Variants in ARID1B observed in about 807,000 individuals in gnomAD.
ARID1B encodes AT-rich interactive domain-containing protein 1B.
A neutral mutation model predicts 212.3 loss-of-function variants in ARID1B; 30 were observed. That is an observed-to-expected ratio of 0.14 (90% CI 0.11 to 0.19). The LOEUF (loss-of-function observed/expected upper bound fraction) is 0.19, where lower values mean the gene tolerates loss of function less well. Ranked by LOEUF, ARID1B falls within the 10% of genes least tolerant of loss-of-function variation. The pLI is 1.00. For synonymous variants in ARID1B, 1,402 were observed against 1,301.7 expected, an observed-to-expected ratio of 1.08 and a Z score of -1.66; for missense variants, 2,891 against 3,204.0, an observed-to-expected ratio of 0.90 and a Z score of 2.36.
At chr6:157,146,532 T>G (rs1289239939) in intron 7 of ARID1B, among the ~76,000 whole-genome samples, 2 of 152,188 alleles carry the variant, frequency 1.3e-5, no homozygotes, top group African/African-American at 4.8e-5. Flanking sequence ...TCACTCTCCC[T>G]TCTCTCTTGC....
Position 156,828,726 on chromosome 6 carries a change from A to T in ARID1B, c.1792-501A>T, listed in dbSNP as rs1782932032. Among the ~76,000 whole-genome samples, 3 of 152,338 alleles carry T rather than the reference A, an allele frequency of 2.0e-5. No individual in the cohort carries two copies. The South Asian group carries it at 6.2e-4, about 32-fold the overall frequency. ...ACCCTGGACATATGCATGATCTAAA[A>T]TCTATCTTTTCACTTTTTAATGAAC... On this transcript the variant is annotated intron_variant, in intron 1 of 19. Transcript: ENST00000636930.
chr6:157,115,218 C>T lies in ARID1B; in HGVS notation c.2581+4657C>T, dbSNP rs150995378. Among the ~76,000 whole-genome samples the T allele has an allele frequency of 1.7e-3, 258 of 152,268 alleles. 1 individual carries two copies. The highest frequency in any genetic ancestry group is 0.01 in the Middle Eastern group (3 of 294). ...CCACATTGTACACAGATGAAAATAA[C>T]TGTGAGTTTCTACAGTTGATATTTT... is the stretch of plus-strand genomic sequence containing the variant. On this transcript the variant is annotated intron_variant, in intron 6 of 19. Coordinates refer to ENST00000636930, the MANE Select transcript of ARID1B (RefSeq NM_001374828.1).
chr6:157,069,035 T>A (rs1783853072), intron 4 of ARID1B, among the ~76,000 whole-genome samples: 1 of 152,214 alleles, frequency 6.6e-6, no homozygotes, highest in African/African-American at 2.4e-5. Context: ...TAAGGGTTTC[T>A]CTTCTGAGTG....
At chr6:156,868,737 A>G (rs1221495303) in intron 2 of ARID1B, among the ~76,000 whole-genome samples, 1 of 152,246 alleles carries the variant, frequency 6.6e-6, no homozygotes, top group African/African-American at 2.4e-5. Context: ...GAGGGACACA[A>G]ATGTTCAGAC....
chr6:157,046,842 G>T (rs1475432305), intron 4 of ARID1B, among the ~76,000 whole-genome samples: 2 of 152,086 alleles, frequency 1.3e-5, no homozygotes, highest in Admixed American at 6.5e-5. Context: ...TTTTCTCAAA[G>T]AGAAAATGTA....
chr6:157,153,130 T>C (rs890228264), intron 8 of ARID1B, among the ~76,000 whole-genome samples: 1 of 152,258 alleles, frequency 6.6e-6, no homozygotes, highest in Admixed American at 6.5e-5. Context: ...AACTGTTTTA[T>C]TAATTTCTTT....
At chr6:157,153,942 G>A (rs1420070951) in intron 8 of ARID1B, among the ~76,000 whole-genome samples, 4 of 152,090 alleles carry the variant, frequency 2.6e-5, no homozygotes, top group Non-Finnish European at 5.9e-5. Flanking sequence ...TCCTGACCTT[G>A]TAACATTTTT....
intron 2 of ARID1B, among the ~76,000 whole-genome samples, chr6:156,871,074 GA>G: frequency 6.6e-6 from 1 of 151,934 alleles, no homozygotes; most frequent in East Asian, 1.9e-4. Flanking sequence ...GAATCTGAGT[GA>G]TTTTTTTTGC....
At chr6:156,844,549 G>C (rs1380433484) in intron 2 of ARID1B, among the ~76,000 whole-genome samples, 2 of 152,146 alleles carry the variant, frequency 1.3e-5, no homozygotes, top group Non-Finnish European at 1.5e-5. Context: ...GGTGACTTTT[G>C]CCTTTGGAAA....
In ARID1B at chr6:157,208,333, T is replaced by C. The variant is rs1583519842; in HGVS notation, c.*442T>C. ...AAAATTATCCATTTCCTATGCGTTTTACTCCTCAGAGAATGAAAAAAACTG... is the reference window on the plus strand; with the variant it reads ...AAAATTATCCATTTCCTATGCGTTTCACTCCTCAGAGAATGAAAAAAACTG... On this transcript the variant is annotated 3_prime_UTR_variant, in exon 20 of 20. Transcript: ENST00000636930. 9.4e-5 allele frequency: 22 copies of C among 233,966 alleles called. No homozygotes were observed. In the East Asian group the frequency reaches 1.3e-3, roughly 14 times the overall value. 14.5% of individuals were successfully genotyped at this position (233,966 alleles called of 1,614,324 possible).
At chr6:157,164,993 G>A (rs1791222331) in intron 8 of ARID1B, among the ~76,000 whole-genome samples, 1 of 152,156 alleles carries the variant, frequency 6.6e-6, no homozygotes, top group African/African-American at 2.4e-5. Context: ...AGTCCCATCA[G>A]GCGCCACTTT....
chr6:157,004,846 G>T (rs916464803), intron 4 of ARID1B, among the ~76,000 whole-genome samples: 1 of 139,184 alleles, frequency 7.2e-6, no homozygotes, highest in Non-Finnish European at 1.6e-5. Flanking sequence ...TCTTGTGTGT[G>T]TACTTTTCAC....
intron 2 of ARID1B, among the ~76,000 whole-genome samples, chr6:156,871,442 C>T (rs899716209): frequency 2.6e-5 from 4 of 152,158 alleles, no homozygotes; most frequent in Non-Finnish European, 4.4e-5. Flanking sequence ...AACCCTTTTG[C>T]ACATTTGATA....
chr6:156,987,841 C>T (rs1562530507), intron 4 of ARID1B, among the ~76,000 whole-genome samples: 1 of 152,164 alleles, frequency 6.6e-6, no homozygotes, highest in African/African-American at 2.4e-5. Flanking sequence ...AATCTAGAAT[C>T]GTGGCCTGTT....
intron 1 of ARID1B, among the ~76,000 whole-genome samples, chr6:156,823,844 A>G (rs918158903): frequency 5.3e-5 from 8 of 152,272 alleles, no homozygotes; most frequent in Non-Finnish European, 1.2e-4. Flanking sequence ...ATCTTTTACT[A>G]TAAATGCATG....
chr6:157,195,952 T>G lies in ARID1B; in HGVS notation c.4232-213T>G, dbSNP rs1176472721. 1.7e-5 allele frequency: 8 copies of G among 480,288 alleles called. No homozygotes were observed. The South Asian group carries it at 1.8e-4, about 11-fold the overall frequency. 29.8% of individuals were successfully genotyped at this position (480,288 alleles called of 1,614,324 possible). ...GGTGGATGCCTGTAATCTCAGCTAC[T>G]TGGGAGGGTGACGCAGGAGAATCGC... On this transcript the variant is annotated intron_variant, in intron 15 of 19. Transcript: ENST00000636930.
intron 4 of ARID1B, among the ~76,000 whole-genome samples, chr6:157,009,532 T>C (rs950933507): frequency 2.6e-5 from 4 of 152,214 alleles, no homozygotes; most frequent in African/African-American, 9.6e-5. Context: ...GTTCTGCATA[T>C]ATAGTTTCAT....
chr6:156,939,464 A>G (rs1297506166), intron 4 of ARID1B: 2 of 152,084 alleles, frequency 1.3e-5, no homozygotes, highest in Non-Finnish European at 2.9e-5. Flanking sequence ...TCGCTCCCCT[A>G]TTTCACTAGA....
At chr6:157,202,229 G>T (rs1387912165) in intron 18 of ARID1B, among the ~76,000 whole-genome samples, 1 of 152,194 alleles carries the variant, frequency 6.6e-6, no homozygotes, top group Non-Finnish European at 1.5e-5. Context: ...CTAATCAGAG[G>T]TCTGGACTAT....
Sources: allele counts gnomAD v4.1 joint callset (sites outside exome capture counted in the v4.1 genomes callset), GRCh38; gene constraint gnomAD v4.1.1; transcripts MANE v1.5; gene names NCBI Gene and HGNC (gene_info 2026-07-23, HGNC 2026-07-21).